The following AHCY variants were observed in gnomAD, a reference collection of about 807,000 sequenced individuals.
AHCY encodes S-adenosyl-L-homocysteine hydrolase.
A neutral mutation model predicts 45.4 loss-of-function variants in AHCY; 24 were observed. The ratio of observed to expected loss-of-function variants is 0.53; its 90% CI spans 0.38 to 0.74. The LOEUF (loss-of-function observed/expected upper bound fraction) is 0.74. Among genes scored for constraint, AHCY ranks in the 30% least tolerant of loss-of-function variants. The pLI, the probability that AHCY is intolerant of heterozygous loss-of-function variation, is 0.00. For missense variants in AHCY, 449 were observed against 594.1 expected, an observed-to-expected ratio of 0.76 and a Z score of 2.54; for synonymous variants, 245 against 235.1, an observed-to-expected ratio of 1.04 and a Z score of -0.39.
chr20:34,242,798 A>G, the AHCY span, among the ~76,000 whole-genome samples: 1 of 152,224 alleles, frequency 6.6e-6, no homozygotes, highest in Non-Finnish European at 1.5e-5. Context: ...AAAGTTGTTG[A>G]GAGCTGTCAC....
chr20:34,270,994 G>A, the AHCY span, among the ~76,000 whole-genome samples: 1 of 152,056 alleles, frequency 6.6e-6, no homozygotes, highest in Non-Finnish European at 1.5e-5. Flanking sequence ...TTTGTTTTGA[G>A]AAAGAGTCTC....
At chr20:34,303,953 C>A (rs1162357091), upstream of AHCY, among the ~76,000 whole-genome samples, 1 of 152,184 alleles carries the variant, frequency 6.6e-6, no homozygotes, top group Admixed American at 6.5e-5. Flanking sequence ...GAGCTATCAT[C>A]CCACCACAGC....
downstream of AHCY, chr20:34,280,211 T>C (rs529345457): frequency 2.0e-5 from 3 of 152,338 alleles, no homozygotes; most frequent in Non-Finnish European, 4.4e-5. Flanking sequence ...TATAACCCCC[T>C]ATTCATGGCA....
chr20:34,262,428 A>C, the AHCY span, among the ~76,000 whole-genome samples: 2 of 152,306 alleles, frequency 1.3e-5, no homozygotes, highest in South Asian at 4.1e-4. Context: ...ACACAGGTGC[A>C]TCTGTGTACA....
chr20:34,257,872 G>A, the AHCY span, among the ~76,000 whole-genome samples: 3 of 152,096 alleles, frequency 2.0e-5, no homozygotes, highest in Non-Finnish European at 2.9e-5. Context: ...GGCTGGGTGC[G>A]GTGGCTCACA....
upstream of AHCY, among the ~76,000 whole-genome samples, chr20:34,303,568 T>A (rs186688934): frequency 1.1e-4 from 16 of 152,306 alleles, no homozygotes; most frequent in African/African-American, 3.8e-4. Flanking sequence ...CGGGCCGTCC[T>A]CTCGCTGGTT....
chr20:34,262,610 G>A, the AHCY span, among the ~76,000 whole-genome samples: 1 of 152,148 alleles, frequency 6.6e-6, no homozygotes, highest in African/African-American at 2.4e-5. Flanking sequence ...TTTCCCATTT[G>A]CCTTCCCTCA....
chr20:34,273,561 A>G, the AHCY span, among the ~76,000 whole-genome samples: 2 of 152,280 alleles, frequency 1.3e-5, no homozygotes, highest in South Asian at 4.1e-4. Flanking sequence ...CACAGATCTA[A>G]CATCACCAGC....
At chr20:34,235,909 A>AGCGGGAG in the AHCY span, among the ~76,000 whole-genome samples, 23 of 123,696 alleles carry the variant, frequency 1.9e-4, 2 homozygotes, top group African/African-American at 8.4e-4. Flanking sequence ...AAAGGAAGGA[A>AGCGGGAG]GGAAGGAAGG....
intron 9 of AHCY, among the ~76,000 whole-genome samples, chr20:34,283,845 G>A (rs1601639281): frequency 6.6e-6 from 1 of 152,142 alleles, no homozygotes; most frequent in Non-Finnish European, 1.5e-5. Context: ...TTCCTCAATT[G>A]GTAGAACCAG....
At chr20:34,277,802 A>G (rs1471147608), downstream of AHCY, among the ~76,000 whole-genome samples, 1 of 151,554 alleles carries the variant, frequency 6.6e-6, no homozygotes, top group Admixed American at 6.6e-5. Context: ...ACTCCTCACT[A>G]ATGTTCTATC....
chr20:34,242,617 TG>T, the AHCY span, among the ~76,000 whole-genome samples: 1 of 152,236 alleles, frequency 6.6e-6, no homozygotes, highest in African/African-American at 2.4e-5. Context: ...CAAAACAAAA[TG>T]AAAAACACTT....
the AHCY span, among the ~76,000 whole-genome samples, chr20:34,248,221 C>T: frequency 2.6e-5 from 4 of 151,826 alleles, no homozygotes; most frequent in Admixed American, 1.3e-4. Flanking sequence ...AAAAAATTGC[C>T]TCTGAAGGTA....
chr20:34,297,670 T>C (rs368066072), intron 1 of AHCY, among the ~76,000 whole-genome samples: 1 of 151,978 alleles, frequency 6.6e-6, no homozygotes, highest in African/African-American at 2.4e-5. Context: ...TCCTAGTAAA[T>C]TTACTCCCAT....
At chr20:34,235,812 A>G in the AHCY span, among the ~76,000 whole-genome samples, 1 of 59,608 alleles carries the variant, frequency 1.7e-5, no homozygotes, top group Non-Finnish European at 2.6e-5. Flanking sequence ...AAAGAAAGAA[A>G]GAAAGAAAGA....
chr20:34,260,403 C>T, the AHCY span: 1 of 1,614,100 alleles, frequency 6.2e-7, no homozygotes, highest in Non-Finnish European at 8.5e-7. Flanking sequence ...CTCCTGGCCA[C>T]CCTGCTGGTC....
chr20:34,259,521 TAA>T, the AHCY span, among the ~76,000 whole-genome samples: 10 of 149,144 alleles, frequency 6.7e-5, no homozygotes, highest in East Asian at 7.9e-4. Context: ...TCAAAAAAAA[TAA>T]AAAGAGTTAG....
At chr20:34,243,618 T>C in the AHCY span, among the ~76,000 whole-genome samples, 37 of 152,092 alleles carry the variant, frequency 2.4e-4, no homozygotes, top group Non-Finnish European at 4.0e-4. Context: ...ACAGAATACA[T>C]ATGTAACACA....
intron 1 of AHCY, among the ~76,000 whole-genome samples, chr20:34,299,990 G>T (rs989056456): frequency 1.3e-5 from 2 of 152,182 alleles, no homozygotes; most frequent in Non-Finnish European, 2.9e-5. Flanking sequence ...TTCGAGAGCA[G>T]CCTGGCCAAC....
Sources: allele counts gnomAD v4.1 joint callset (sites outside exome capture counted in the v4.1 genomes callset), GRCh38; gene constraint gnomAD v4.1.1; transcripts MANE v1.5; gene names NCBI Gene and HGNC (gene_info 2026-07-23, HGNC 2026-07-21).